The following ADAR variants were observed in gnomAD, a reference collection of about 807,000 sequenced individuals.
ADAR encodes the protein double-stranded RNA-specific adenosine deaminase.
A neutral mutation model predicts 113.2 loss-of-function variants in ADAR; 41 were observed. The observed-to-expected ratio is 0.36, with a 90% CI of 0.28 to 0.47. ADAR has a LOEUF of 0.47. Among genes scored for constraint, ADAR ranks in the 20% least tolerant of loss-of-function variants. The probability of loss-of-function intolerance (pLI) is 1.00; values close to 1 mark genes in which losing one functional copy is unlikely to be tolerated. For missense variants in ADAR, 1,242 were observed against 1,540.9 expected, an observed-to-expected ratio of 0.81 and a Z score of 3.25; for synonymous variants, 605 against 572.6, an observed-to-expected ratio of 1.06 and a Z score of -0.81.
At chr1:154,597,419 G>T (rs115800464) in intron 4 of ADAR, 152 bp from the exon 5 acceptor site, 1 of 995,888 alleles carries the variant, frequency 1.0e-6, no homozygotes, top group Non-Finnish European at 1.5e-6. Context: ...CTTCTGCCTT[G>T]AACAGCCAGT....
intron 6 of ADAR, among the ~76,000 whole-genome samples, chr1:154,592,382 G>GA (rs1241937244): frequency 6.6e-6 from 1 of 152,138 alleles, no homozygotes; most frequent in African/African-American, 2.4e-5. Context: ...TTCTTTAGGT[G>GA]ACTATTGGTT....
chr1:154,624,013 C>CAA (rs558257086), intron 1 of ADAR, among the ~76,000 whole-genome samples: 28 of 92,362 alleles, frequency 3.0e-4, no homozygotes, highest in African/African-American at 7.6e-4. Flanking sequence ...GACTCCATCT[C>CAA]AAAAAAAAAA....
At chr1:154,621,061 T>C (rs568692941) in intron 1 of ADAR, among the ~76,000 whole-genome samples, 2 of 152,346 alleles carry the variant, frequency 1.3e-5, no homozygotes, top group Admixed American at 1.3e-4. Flanking sequence ...TGATTATCTA[T>C]ATATGTGAAT....
At chr1:154,585,938 G>A in intron 12 of ADAR, 73 bp from the exon 13 acceptor site, 5 of 1,379,722 alleles carry the variant, frequency 3.6e-6, no homozygotes, top group Non-Finnish European at 5.1e-6. Context: ...AGCATGTGGG[G>A]ATTTTGGAGG....
Position 154,602,546 on chromosome 1 carries a change from T to C in ADAR, c.96A>G (p.Pro32=). The change falls in exon 2 of 15, where the codon CCA becomes CCG. Residue 32 remains proline (P), a synonymous_variant. Transcript: ENST00000368474. ...HRQLRYQQPG[P]GSSPSSFLLK... ...GCAGGAAACTACTGGGGGAAGATCCTGGCCCAGGCTGCTGGTACCTGAGCT... is the reference window on the plus strand; with the variant it reads ...GCAGGAAACTACTGGGGGAAGATCCCGGCCCAGGCTGCTGGTACCTGAGCT... 5 of 1,614,240 alleles carry C rather than the reference T, an allele frequency of 3.1e-6. No individual in the cohort carries two copies. The South Asian group carries it at 4.4e-5, about 14-fold the overall frequency.
intron 1 of ADAR, chr1:154,627,752 G>A: frequency 2.2e-6 from 1 of 448,614 alleles, no homozygotes; most frequent in Non-Finnish European, 4.5e-6. Flanking sequence ...CTGCCGGGGC[G>A]CCCCCACGCT....
intron 6 of ADAR, among the ~76,000 whole-genome samples, chr1:154,592,340 T>G (rs933299010): frequency 6.6e-6 from 1 of 152,224 alleles, no homozygotes; most frequent in Non-Finnish European, 1.5e-5. Context: ...CTCCAGCCCT[T>G]TGGAATACTT....
At chr1:154,588,518 G>A in intron 10 of ADAR, 33 bp downstream of exon 10, 1 of 1,612,180 alleles carries the variant, frequency 6.2e-7, no homozygotes. Flanking sequence ...GCCTGGCAGG[G>A]CCCACCCTGG....
chr1:154,590,183 C>T lies in ADAR; in HGVS notation c.2496+1G>A, dbSNP rs1697048381. 1 of 1,279,884 alleles carries T rather than the reference C, an allele frequency of 7.8e-7. No individual in the cohort carries two copies. The highest frequency in any genetic ancestry group is 1.1e-6 in the Non-Finnish European group (1 of 938,662). The allele number at this position is 1,279,884 out of a possible 1,614,324, so 79.3% of individuals were successfully genotyped here. On this transcript the variant is annotated splice_donor_variant, in intron 7 of 14. Coordinates refer to ENST00000368474, the MANE Select transcript of ADAR (RefSeq NM_001111.5). LOFTEE classifies it high-confidence loss of function. ...AAGGCACCAAAAGTAGACGTCTTAA[C>T]TGTCTTTGGCTGTGCTTCTGGGGAC...
chr1:154,586,460 A>C, intron 11 of ADAR, 97 bp from the exon 12 acceptor site: 1 of 1,216,168 alleles, frequency 8.2e-7, no homozygotes, highest in Non-Finnish European at 1.2e-6. Context: ...CACAGGCTAC[A>C]TTCATTCATT....
At position 154,605,925 on chromosome 1, in the gene ADAR, C is replaced by T. The variant is rs189174705; in HGVS notation, c.15+2067G>A. The T allele has an allele frequency of 5.5e-6, 5 of 913,448 alleles. No individual in the cohort carries two copies. In the East Asian group the frequency reaches 4.7e-4, roughly 86 times the overall value. 56.6% of individuals were successfully genotyped at this position (913,448 alleles called of 1,614,324 possible). A position where few individuals can be genotyped will look rare whatever the true frequency, so the allele number is the denominator to read the frequency against. ...TGTTTTTTAAACTGCTACTCTTGGC[C>T]CAAATCTGGAAAATATTTTAATGTC... On this transcript the variant is annotated intron_variant, in intron 1 of 14. Transcript: ENST00000368474.
upstream of ADAR, among the ~76,000 whole-genome samples, chr1:154,610,816 AAAAAAAAG>A (rs1470476760): frequency 0.035 from 1,399 of 39,738 alleles, 102 homozygotes; most frequent in African/African-American, 0.098. Flanking sequence ...CTCAAAAAAA[AAAAAAAAG>A]AAAAAAAAAA....
At chr1:154,598,660 C>T in intron 2 of ADAR, 75 bp from the exon 3 acceptor site, 2 of 1,525,470 alleles carry the variant, frequency 1.3e-6, no homozygotes. Context: ...AGACCTTCAA[C>T]CTGGAATTTT....
At chr1:154,597,065 C>T in intron 5 of ADAR, 58 bp downstream of exon 5, 2 of 1,614,158 alleles carry the variant, frequency 1.2e-6, no homozygotes, top group Non-Finnish European at 1.7e-6. Context: ...CACTGGCAAT[C>T]TTAAACCACT....
chr1:154,588,837 A>T lies in ADAR; in HGVS notation c.2763-164T>A, dbSNP rs376450723. Among the ~76,000 whole-genome samples, 28 of 152,364 alleles carry T rather than the reference A, an allele frequency of 1.8e-4. No homozygotes were observed. In the East Asian group the frequency reaches 4.6e-3, roughly 25 times the overall value. On this transcript the variant is annotated intron_variant, in intron 9 of 14. Coordinates refer to ENST00000368474, the MANE Select transcript of ADAR (RefSeq NM_001111.5). ...TCCAGGGGAGACCTCAGCATTTCAT[A>T]AAGCATAGTTAGCCTTTTGGGTCTC...
chr1:154,608,038 G>A lies in ADAR; in HGVS notation c.-32C>T, dbSNP rs762362321. 11 of 1,568,240 alleles carry A rather than the reference G, an allele frequency of 7.0e-6. No individual in the cohort carries two copies. The highest frequency in any genetic ancestry group is 1.7e-4 in the Middle Eastern group (1 of 6,026). On this transcript the variant is annotated 5_prime_UTR_variant, in exon 1 of 15. Coordinates refer to ENST00000368474, the MANE Select transcript of ADAR (RefSeq NM_001111.5). ...CGCGAGGCATTGCCCGGCCCGACCC[G>A]CCGGCGGCACGACCCTGGCCCGACC...
At chr1:154,613,906 A>C (rs1698560790) in intron 1 of ADAR, among the ~76,000 whole-genome samples, 1 of 148,794 alleles carries the variant, frequency 6.7e-6, no homozygotes. Context: ...CTCCATCTCA[A>C]AAAAAAAAAA....
At chr1:154,599,033 C>T (rs1697694954) in intron 2 of ADAR, among the ~76,000 whole-genome samples, 1 of 152,256 alleles carries the variant, frequency 6.6e-6, no homozygotes, top group South Asian at 2.1e-4. Flanking sequence ...CAGTCTCACA[C>T]TCCCCACTAC....
upstream of ADAR, chr1:154,608,836 G>GA (rs1333108587): frequency 7.2e-6 from 1 of 138,628 alleles, no homozygotes; most frequent in Non-Finnish European, 1.6e-5. Context: ...GGAGGGGGGG[G>GA]GGAGGGGATG....
Sources: gnomAD v4.1 joint callset for allele counts (sites outside exome capture counted in the v4.1 genomes callset) on GRCh38, gnomAD v4.1.1 for gene constraint, MANE v1.5 for transcripts, NCBI Gene and HGNC (gene_info 2026-07-23, HGNC 2026-07-21) for gene names.